Variants in PCDH7 observed in about 807,000 individuals in gnomAD.
PCDH7 encodes the protein protocadherin 7, also known as protocadherin-7.
Under a neutral mutation model 58.9 loss-of-function variants are expected in PCDH7, and 17 were observed. The observed-to-expected ratio is 0.29, with a 90% CI of 0.20 to 0.43. The LOEUF (loss-of-function observed/expected upper bound fraction) is 0.43, where lower values mean the gene tolerates loss of function less well. Among genes scored for constraint, PCDH7 ranks in the 20% least tolerant of loss-of-function variants. PCDH7 has a pLI of 1.00. For missense variants in PCDH7, 1,274 were observed against 1,441.0 expected (o/e 0.88, Z 1.88); for synonymous variants, 664 against 616.4 (o/e 1.08, Z -1.14).
At chr4:31,066,230 T>G (rs1430528869) in intron 3 of PCDH7, among the ~76,000 whole-genome samples, 1 of 151,878 alleles carries the variant, frequency 6.6e-6, no homozygotes, top group Non-Finnish European at 1.5e-5. Flanking sequence ...AGATAATATA[T>G]GCATATATTA....
chr4:30,722,391 G>A lies in PCDH7; in HGVS notation c.969G>A (p.Pro323=). 1 of 1,612,602 alleles carries A rather than the reference G, an allele frequency of 6.2e-7. No homozygotes were observed. Among genetic ancestry groups the A allele is most frequent in the Non-Finnish European group, 8.5e-7 (1 of 1,179,904 alleles). The change falls in exon 1 of 2, where the codon CCG becomes CCA. Residue 323 remains proline (P), a synonymous_variant. Coordinates refer to ENST00000361762, the Ensembl canonical transcript of PCDH7. This position sits in a 1 kb window ranked among gnomAD's most constrained non-coding sequence, Gnocchi z 7.6. ...CCGACTTGGCTGAGAACAGCGCCCC[G>A]GGGACCCCCATCCTGCAACTGCGCG...
intron 3 of PCDH7, among the ~76,000 whole-genome samples, chr4:30,986,588 A>T (rs1750986691): frequency 6.6e-6 from 1 of 152,146 alleles, no homozygotes; most frequent in Non-Finnish European, 1.5e-5. Flanking sequence ...TAATATCATT[A>T]TGAAGAAATG....
intron 1 of PCDH7, among the ~76,000 whole-genome samples, chr4:30,919,347 A>G (rs967470504): frequency 5.3e-5 from 8 of 152,148 alleles, no homozygotes; most frequent in African/African-American, 1.9e-4. Context: ...AATACCTTCC[A>G]TAGTAAATCT....
chr4:31,114,345 A>C (rs73812536), intron 3 of PCDH7, among the ~76,000 whole-genome samples: 6,961 of 152,178 alleles, frequency 0.046, 204 homozygotes, highest in African/African-American at 0.079. Flanking sequence ...AATATCCAGA[A>C]TCCATTATAA....
At chr4:30,838,949 C>T (rs2109336765) in intron 1 of PCDH7, among the ~76,000 whole-genome samples, 1 of 152,114 alleles carries the variant, frequency 6.6e-6, no homozygotes, top group East Asian at 1.9e-4. Context: ...TCCTTCCTTC[C>T]ATCCTTCTTT....
intron 3 of PCDH7, among the ~76,000 whole-genome samples, chr4:31,105,624 G>A (rs1269599066): frequency 1.3e-5 from 2 of 152,264 alleles, no homozygotes; most frequent in East Asian, 1.9e-4. Flanking sequence ...GTGTAGGTGT[G>A]TGTGCTTGTG....
intron 1 of PCDH7, among the ~76,000 whole-genome samples, chr4:30,863,341 A>T (rs116320758): frequency 0.014 from 2,060 of 152,096 alleles, 41 homozygotes; most frequent in African/African-American, 0.047. Context: ...GCCTCCAGGG[A>T]AACATTTGGT....
At chr4:31,124,884 A>G (rs1718114516) in intron 3 of PCDH7, among the ~76,000 whole-genome samples, 1 of 152,148 alleles carries the variant, frequency 6.6e-6, no homozygotes, top group Admixed American at 6.5e-5. Context: ...TTAAGCATTT[A>G]TTTCTGCTTC....
intron 3 of PCDH7, among the ~76,000 whole-genome samples, chr4:31,090,553 A>C (rs2109283735): frequency 6.6e-6 from 1 of 152,062 alleles, no homozygotes; most frequent in East Asian, 1.9e-4. Flanking sequence ...CCCCACAAAA[A>C]CCTTGTAAAC....
At chr4:30,779,010 T>TTG (rs1722444675) in intron 1 of PCDH7, among the ~76,000 whole-genome samples, 1 of 140,760 alleles carries the variant, frequency 7.1e-6, no homozygotes, top group South Asian at 2.3e-4. Flanking sequence ...TCCGTTTTTT[T>TTG]TTTTTTTTTT....
intron 1 of PCDH7, among the ~76,000 whole-genome samples, chr4:30,862,017 A>T (rs1218247632): frequency 6.6e-6 from 1 of 152,132 alleles, no homozygotes; most frequent in East Asian, 1.9e-4. Flanking sequence ...CTATTAGTAA[A>T]GCTGAAAGGG....
intron 1 of PCDH7, among the ~76,000 whole-genome samples, chr4:30,897,176 T>A (rs2109390720): frequency 6.6e-6 from 1 of 152,212 alleles, no homozygotes; most frequent in Non-Finnish European, 1.5e-5. Flanking sequence ...AGTGCTGGGA[T>A]TACAGGCGTG....
At chr4:30,797,701 C>T (rs2077702740) in intron 1 of PCDH7, among the ~76,000 whole-genome samples, 1 of 152,026 alleles carries the variant, frequency 6.6e-6, no homozygotes. Flanking sequence ...ATCCTTCTTT[C>T]CCAGTTCTTC....
At chr4:30,896,128 C>G (rs964289676) in intron 1 of PCDH7, among the ~76,000 whole-genome samples, 17 of 152,012 alleles carry the variant, frequency 1.1e-4, no homozygotes, top group African/African-American at 4.1e-4. Flanking sequence ...TTTTATTTTC[C>G]TTTCACTTTC....
At chr4:31,137,195 TAGAA>T (rs1208008596) in intron 3 of PCDH7, among the ~76,000 whole-genome samples, 5 of 152,124 alleles carry the variant, frequency 3.3e-5, no homozygotes, top group African/African-American at 9.7e-5. Context: ...TCAAGAAACA[TAGAA>T]AGAAAACCAA....
chr4:30,805,117 A>C (rs1726016143), intron 1 of PCDH7, among the ~76,000 whole-genome samples: 1 of 152,102 alleles, frequency 6.6e-6, no homozygotes, highest in African/African-American at 2.4e-5. Flanking sequence ...TTCCTCCTTA[A>C]TTGCTGACTA....
At chr4:30,959,811 G>T (rs1360934054) in intron 3 of PCDH7, among the ~76,000 whole-genome samples, 1 of 151,992 alleles carries the variant, frequency 6.6e-6, no homozygotes, top group Non-Finnish European at 1.5e-5. Flanking sequence ...GTAGGTAGTT[G>T]TTATTTATTT....
At chr4:30,815,774 T>G (rs1304785711) in intron 1 of PCDH7, among the ~76,000 whole-genome samples, 1 of 152,166 alleles carries the variant, frequency 6.6e-6, no homozygotes, top group Non-Finnish European at 1.5e-5. Flanking sequence ...TAGCTTCAAG[T>G]TTTTCTATCT....
At chr4:31,125,905 C>A (rs891752179) in intron 3 of PCDH7, among the ~76,000 whole-genome samples, 6 of 152,120 alleles carry the variant, frequency 3.9e-5, no homozygotes, top group Non-Finnish European at 5.9e-5. Flanking sequence ...CAAGAATTAT[C>A]TGTACATTTA....
Sources: gnomAD v4.1 joint callset for allele counts (sites outside exome capture counted in the v4.1 genomes callset) on GRCh38, gnomAD v4.1.1 for gene constraint, Gnocchi (gnomAD v3.1) non-coding constraint, MANE v1.5 for transcripts, NCBI Gene and HGNC (gene_info 2026-07-23, HGNC 2026-07-21) for gene names.